FAT1: variants seen among roughly 807,000 people sequenced by gnomAD.
FAT1 encodes protocadherin Fat 1.
FAT1 carries 171 observed loss-of-function variants against 329.8 expected under a neutral mutation model. The ratio of observed to expected loss-of-function variants is 0.52; its 90% CI spans 0.46 to 0.59. FAT1 has a LOEUF of 0.59. Among genes scored for constraint, FAT1 ranks in the 20% least tolerant of loss-of-function variants. FAT1 has a pLI of 0.00. For missense variants in FAT1, 5,672 were observed against 5,774.4 expected, an observed-to-expected ratio of 0.98 and a Z score of 0.57; for synonymous variants, 2,233 against 2,228.6, an observed-to-expected ratio of 1.00 and a Z score of -0.06.
intron 25 of FAT1, 120 bp from the exon 26 acceptor site, chr4:186,595,946 G>A: frequency 5.6e-6 from 6 of 1,064,872 alleles, no homozygotes; most frequent in Non-Finnish European, 8.1e-6. Flanking sequence ...ATAAATGAAT[G>A]ACTGAAAGAA....
At chr4:186,606,252 A>G (rs2126448982) in intron 16 of FAT1, 39 bp from the exon 17 acceptor site, 1 of 1,607,824 alleles carries the variant, frequency 6.2e-7, no homozygotes, top group Non-Finnish European at 8.5e-7. Flanking sequence ...TCATTTTCAC[A>G]AGGCCGACAG....
intron 2 of FAT1, among the ~76,000 whole-genome samples, chr4:186,675,245 G>A (rs1214786244): frequency 1.3e-5 from 2 of 151,738 alleles, no homozygotes; most frequent in Non-Finnish European, 2.9e-5. Flanking sequence ...TAAAAGTTTT[G>A]TGGCAGATCA....
chr4:186,640,958 G>A (rs1741063694), intron 3 of FAT1, among the ~76,000 whole-genome samples: 1 of 152,176 alleles, frequency 6.6e-6, no homozygotes, highest in Non-Finnish European at 1.5e-5. Context: ...TCCTCCCAGT[G>A]CTGCGGCTTT....
chr4:186,626,658 A>G (rs1740321149), intron 9 of FAT1, among the ~76,000 whole-genome samples: 1 of 137,856 alleles, frequency 7.3e-6, no homozygotes, highest in Non-Finnish European at 1.6e-5. Context: ...GAATGAATGA[A>G]TGAATGAATG....
At chr4:186,642,295 A>G (rs560135348) in intron 3 of FAT1, among the ~76,000 whole-genome samples, 1 of 151,974 alleles carries the variant, frequency 6.6e-6, no homozygotes, top group Non-Finnish European at 1.5e-5. Flanking sequence ...AAGTTCTAAT[A>G]TTTCTTCTAT....
At position 186,603,856 on chromosome 4, in the gene FAT1, T is replaced by C; in HGVS notation, c.10670A>G (p.Glu3557Gly). Residue 3557 changes from glutamate to glycine, a missense_variant, in exon 19 of 27, where the codon GAA becomes GGA. Coordinates refer to ENST00000441802, the MANE Select transcript of FAT1 (RefSeq NM_005245.4). ...PLEIFITSSGEEYSGGVIGKI... is the reference protein window; with the variant it reads ...PLEIFITSSGGEYSGGVIGKI... The stretch of plus-strand genomic sequence containing the variant: ...CCCAATGACGCCACCTGAGTATTCT[T>C]CTCCAGAAGAGGTGATGAAAATCTC... The C allele has an allele frequency of 6.2e-7, 1 of 1,613,810 alleles. No individual in the cohort carries two copies. Among genetic ancestry groups the C allele is most frequent in the South Asian group, 1.1e-5 (1 of 91,078 alleles).
At chr4:186,692,323 A>T (rs576563502) in intron 2 of FAT1, among the ~76,000 whole-genome samples, 4,417 of 151,658 alleles carry the variant, frequency 0.029, 208 homozygotes, top group African/African-American at 0.1. Flanking sequence ...TTATTTATTT[A>T]TTTTTTTGAG....
At chr4:186,690,541 C>A (rs1743706059) in intron 2 of FAT1, among the ~76,000 whole-genome samples, 1 of 152,020 alleles carries the variant, frequency 6.6e-6, no homozygotes, top group Non-Finnish European at 1.5e-5. Context: ...AATAAAAATA[C>A]AAAAATTTAG....
chr4:186,598,134 G>C lies in FAT1; in HGVS notation c.12104-9C>G, dbSNP rs139477231. 2 of 1,583,600 alleles carry C rather than the reference G, an allele frequency of 1.3e-6. No individual in the cohort carries two copies. The highest frequency in any genetic ancestry group is 2.3e-5 in the South Asian group (2 of 85,172). ...GCATTTGCAGTAATAACCTAAATCG[G>C]CAAAAAGGAACAAAAAAGTCCTATC... On this transcript the variant is annotated splice_polypyrimidine_tract_variant and intron_variant, in intron 22 of 26. Coordinates refer to ENST00000441802, the MANE Select transcript of FAT1 (RefSeq NM_005245.4).
intron 17 of FAT1, among the ~76,000 whole-genome samples, chr4:186,605,094 C>A (rs563959858): frequency 6.6e-6 from 1 of 151,692 alleles, no homozygotes; most frequent in South Asian, 2.1e-4. Flanking sequence ...TGGTGGGTGC[C>A]TGTAATCTCA....
At chr4:186,666,998 G>T (rs1396348299) in intron 2 of FAT1, among the ~76,000 whole-genome samples, 1 of 152,194 alleles carries the variant, frequency 6.6e-6, no homozygotes, top group African/African-American at 2.4e-5. Flanking sequence ...TGGGAAAGAT[G>T]AGTCAAACTT....
At position 186,607,260 on chromosome 4, in the gene FAT1, TCTC is replaced by T. The variant is rs139605450; in HGVS notation, c.10207-1050_10207-1048del. ...TCCCAAATCGAAGGCTTCTTTTGGT[TCTC>T]CTTCACAGGCCTACCTCTCTGAGGT... On this transcript the variant is annotated intron_variant, in intron 16 of 26. Transcript: ENST00000441802. Among the ~76,000 whole-genome samples, 1,369 of 152,298 alleles carry T rather than the reference TCTC, an allele frequency of 9.0e-3. 23 individuals carry two copies. Among genetic ancestry groups the T allele is most frequent in the African/African-American group, 0.031 (1,305 of 41,558 alleles).
At chr4:186,664,043 G>A (rs914692208) in intron 2 of FAT1, among the ~76,000 whole-genome samples, 1 of 152,092 alleles carries the variant, frequency 6.6e-6, no homozygotes, top group African/African-American at 2.4e-5. Flanking sequence ...TACTCAGGAA[G>A]ACAGGGACAA....
intron 20 of FAT1, 63 bp from the exon 21 acceptor site, chr4:186,601,489 G>T: frequency 6.9e-7 from 1 of 1,439,148 alleles, no homozygotes; most frequent in South Asian, 1.2e-5. Flanking sequence ...TTTAAAGTAT[G>T]ACTCCCCTGC....
At chr4:186,658,890 T>C in intron 3 of FAT1, among the ~76,000 whole-genome samples, 1 of 152,116 alleles carries the variant, frequency 6.6e-6, no homozygotes. Context: ...GCTGCACACA[T>C]CTGTTCTTCT....
chr4:186,594,764 G>A (rs1738421459), intron 26 of FAT1, among the ~76,000 whole-genome samples: 1 of 146,784 alleles, frequency 6.8e-6, no homozygotes, highest in African/African-American at 2.5e-5. Context: ...GACTGCAATA[G>A]ATAATGACTA....
intron 4 of FAT1, 46 bp downstream of exon 4, chr4:186,639,676 T>G (rs1185437622): frequency 7.8e-7 from 1 of 1,279,726 alleles, no homozygotes; most frequent in African/African-American, 1.5e-5. Context: ...CCCATGATAC[T>G]TGTAACTACG....
intron 17 of FAT1, among the ~76,000 whole-genome samples, chr4:186,605,308 A>G (rs536185167): frequency 2.1e-5 from 2 of 93,098 alleles, no homozygotes; most frequent in South Asian, 4.6e-4. Context: ...GAAAAGTGAG[A>G]AGGGGGAGGA....
At position 186,603,672 on chromosome 4, in the gene FAT1, A is replaced by G. The variant is rs745341267; in HGVS notation, c.10854T>C (p.Asp3618=). The G allele has an allele frequency of 7.4e-6, 12 of 1,613,942 alleles. No homozygotes were observed. In the South Asian group the frequency reaches 1.1e-4, roughly 15 times the overall value. ...TGTCGGCCACCGTCGTGAACTTCCC[A>G]TCTGTTACGCTGACATTGAGAAGGT... ...GQYLLNVSVT[D]GKFTTVADIT... is the part of the protein sequence containing the mutation. The change falls in exon 19 of 27, where the codon GAT becomes GAC. Residue 3618 remains aspartate, a synonymous_variant. Coordinates refer to ENST00000441802, the MANE Select transcript of FAT1 (RefSeq NM_005245.4).
Sources: gnomAD v4.1 joint callset for allele counts (sites outside exome capture counted in the v4.1 genomes callset) on GRCh38, gnomAD v4.1.1 for gene constraint, MANE v1.5 for transcripts, NCBI Gene and HGNC (gene_info 2026-07-23, HGNC 2026-07-21) for gene names.